The following DNAJC1 variants were observed in gnomAD, a reference collection of about 807,000 sequenced individuals.
The protein encoded by DNAJC1 is dnaJ homolog subfamily C member 1.
A neutral mutation model predicts 76.6 loss-of-function variants in DNAJC1; 58 were observed. That is an observed-to-expected ratio of 0.76 (90% CI 0.61 to 0.94). The LOEUF (loss-of-function observed/expected upper bound fraction) is 0.94, where lower values mean the gene tolerates loss of function less well. Ranked by LOEUF, DNAJC1 falls within the 40% of genes least tolerant of loss-of-function variation. The pLI is 0.00. For missense variants in DNAJC1, 689 were observed against 677.3 expected (o/e 1.02, Z -0.19); for synonymous variants, 258 against 267.9 (o/e 0.96, Z 0.36).
chr10:21,856,063 A>G (rs1264418149), intron 8 of DNAJC1, among the ~76,000 whole-genome samples: 1 of 152,222 alleles, frequency 6.6e-6, no homozygotes, highest in African/African-American at 2.4e-5. Flanking sequence ...AGATAGTTAC[A>G]GAGACTGAGG....
At chr10:22,003,177 C>T (rs769468809) in intron 1 of DNAJC1, 36 bp downstream of exon 1, 34 of 1,474,808 alleles carry the variant, frequency 2.3e-5, no homozygotes, top group Non-Finnish European at 3.0e-5. Flanking sequence ...CTGCCCTGGC[C>T]CCTCTCCGCC....
intron 1 of DNAJC1, among the ~76,000 whole-genome samples, chr10:21,991,507 A>G (rs1279738927): frequency 6.6e-6 from 1 of 152,190 alleles, no homozygotes; most frequent in Non-Finnish European, 1.5e-5. Context: ...GGAATATGAT[A>G]GCTAGCACAA....
intron 8 of DNAJC1, among the ~76,000 whole-genome samples, chr10:21,878,708 A>C: frequency 6.6e-6 from 1 of 152,138 alleles, no homozygotes; most frequent in East Asian, 1.9e-4. Context: ...TTTTGGAAAA[A>C]ATCCACATAT....
chr10:21,811,370 C>T (rs377704571), intron 8 of DNAJC1, among the ~76,000 whole-genome samples: 3 of 152,134 alleles, frequency 2.0e-5, no homozygotes, highest in Admixed American at 6.5e-5. Context: ...TTGTTACTTG[C>T]GAAATGACTC....
At chr10:21,860,386 ATGG>A (rs1398288264) in intron 8 of DNAJC1, among the ~76,000 whole-genome samples, 2 of 152,058 alleles carry the variant, frequency 1.3e-5, no homozygotes, top group Non-Finnish European at 2.9e-5. Context: ...AAGATAATAA[ATGG>A]TGATGTTAAA....
intron 8 of DNAJC1, 58 bp from the exon 9 acceptor site, chr10:21,806,157 G>A (rs1275041058): frequency 2.6e-6 from 4 of 1,519,982 alleles, no homozygotes; most frequent in Admixed American, 2.0e-5. Flanking sequence ...AAAGATAATT[G>A]GAAGAATAAA....
At chr10:21,843,385 G>A (rs1835602704) in intron 8 of DNAJC1, among the ~76,000 whole-genome samples, 1 of 150,708 alleles carries the variant, frequency 6.6e-6, no homozygotes, top group Non-Finnish European at 1.5e-5. Flanking sequence ...TTTACTTAGA[G>A]GTTTCCCTTT....
At chr10:21,914,081 T>C (rs1836913514) in intron 6 of DNAJC1, among the ~76,000 whole-genome samples, 1 of 152,218 alleles carries the variant, frequency 6.6e-6, no homozygotes, top group Non-Finnish European at 1.5e-5. Flanking sequence ...AATTTCTCAC[T>C]TGACTTTTAC....
chr10:21,902,399 G>A (rs1184906846), intron 7 of DNAJC1, among the ~76,000 whole-genome samples: 2 of 152,080 alleles, frequency 1.3e-5, no homozygotes, highest in African/African-American at 4.8e-5. Context: ...CTGCCTCCCG[G>A]GTTCAGGCGA....
intron 1 of DNAJC1, among the ~76,000 whole-genome samples, chr10:21,940,765 G>A (rs1187418635): frequency 6.6e-6 from 1 of 152,108 alleles, no homozygotes; most frequent in East Asian, 1.9e-4. Flanking sequence ...TCTAATTACT[G>A]GGGGAATTGA....
At chr10:21,818,801 G>A (rs1722290109) in intron 8 of DNAJC1, among the ~76,000 whole-genome samples, 1 of 152,164 alleles carries the variant, frequency 6.6e-6, no homozygotes, top group African/African-American at 2.4e-5. Context: ...TTTTGAAAAT[G>A]AGCACTGCTA....
chr10:21,949,745 T>C (rs1416753303), intron 1 of DNAJC1, among the ~76,000 whole-genome samples: 2 of 151,898 alleles, frequency 1.3e-5, no homozygotes, highest in African/African-American at 2.4e-5. Context: ...ATTGACAAAC[T>C]AGGTAAACCA....
chr10:21,816,827 A>G (rs574260593), intron 8 of DNAJC1, among the ~76,000 whole-genome samples: 13 of 137,388 alleles, frequency 9.5e-5, no homozygotes, highest in African/African-American at 1.9e-4. Context: ...TTACAGGCAT[A>G]AGCCACCACG....
At chr10:21,788,625 T>C (rs1350472925) in intron 9 of DNAJC1, among the ~76,000 whole-genome samples, 1 of 152,136 alleles carries the variant, frequency 6.6e-6, no homozygotes, top group Non-Finnish European at 1.5e-5. Context: ...TCTGGGCTAC[T>C]TGCTGCCACT....
chr10:21,925,242 G>T (rs933538034), intron 3 of DNAJC1, among the ~76,000 whole-genome samples: 2 of 152,066 alleles, frequency 1.3e-5, no homozygotes, highest in Admixed American at 1.3e-4. Flanking sequence ...AAACTCCTGG[G>T]CTCAAGCGAT....
intron 8 of DNAJC1, among the ~76,000 whole-genome samples, chr10:21,850,139 GAAAT>G (rs1417125225): frequency 6.6e-6 from 1 of 152,096 alleles, no homozygotes; most frequent in East Asian, 1.9e-4. Context: ...GTAAGAAAGA[GAAAT>G]AATGGACATC....
chr10:21,983,936 T>C (rs1225728686), intron 1 of DNAJC1, among the ~76,000 whole-genome samples: 3 of 152,174 alleles, frequency 2.0e-5, no homozygotes, highest in African/African-American at 7.2e-5. Context: ...TTTTACATTA[T>C]GTATATTTTA....
intron 8 of DNAJC1, among the ~76,000 whole-genome samples, chr10:21,836,589 C>T (rs544180268): frequency 3.5e-4 from 53 of 152,212 alleles, no homozygotes; most frequent in African/African-American, 8.2e-4. Context: ...ACCCATCTCA[C>T]GTTCAGAGAC....
At chr10:21,774,832 G>A (rs1282544042) in intron 9 of DNAJC1, among the ~76,000 whole-genome samples, 1 of 152,134 alleles carries the variant, frequency 6.6e-6, no homozygotes, top group Non-Finnish European at 1.5e-5. Context: ...TCAGAATCCT[G>A]CCCAGTAAAC....
Sources: gnomAD v4.1 joint callset for allele counts (sites outside exome capture counted in the v4.1 genomes callset) on GRCh38, gnomAD v4.1.1 for gene constraint, MANE v1.5 for transcripts, NCBI Gene and HGNC (gene_info 2026-07-23, HGNC 2026-07-21) for gene names.